UBE2E2: variants seen among roughly 807,000 people sequenced by gnomAD.
UBE2E2 encodes the protein ubiquitin-conjugating enzyme E2 E2.
Under a neutral mutation model 24.7 loss-of-function variants are expected in UBE2E2, and 6 were observed. The observed-to-expected ratio is 0.24, with a 90% CI of 0.13 to 0.48. UBE2E2 has a LOEUF of 0.48. Ranked by LOEUF, UBE2E2 falls within the 20% of genes least tolerant of loss-of-function variation. UBE2E2 has a pLI of 0.99. For missense variants in UBE2E2, 169 were observed against 245.0 expected, an observed-to-expected ratio of 0.69 and a Z score of 2.07; for synonymous variants, 104 against 83.6, an observed-to-expected ratio of 1.24 and a Z score of -1.33.
At chr3:23,530,137 G>A (rs138682240) in intron 4 of UBE2E2, among the ~76,000 whole-genome samples, 4 of 152,252 alleles carry the variant, frequency 2.6e-5, no homozygotes, top group Admixed American at 2.6e-4. Context: ...TCTTAATAAT[G>A]TCAATTCTTT....
At chr3:23,272,101 C>G (rs547843568) in intron 3 of UBE2E2, among the ~76,000 whole-genome samples, 3 of 152,132 alleles carry the variant, frequency 2.0e-5, no homozygotes, top group Non-Finnish European at 2.9e-5. Context: ...TGGGGAGGCT[C>G]GGTCCATGCT....
chr3:23,230,792 G>GAA (rs750142399), intron 3 of UBE2E2, among the ~76,000 whole-genome samples: 3 of 68,634 alleles, frequency 4.4e-5, no homozygotes, highest in Non-Finnish European at 6.3e-5. Context: ...TTCTCAAAAA[G>GAA]AAAAAAAAAA....
intron 3 of UBE2E2, among the ~76,000 whole-genome samples, chr3:23,449,533 C>A (rs1445322552): frequency 6.6e-6 from 1 of 152,222 alleles, no homozygotes; most frequent in East Asian, 1.9e-4. Context: ...TCACCACTGT[C>A]TGTTACTGAT....
At chr3:23,360,863 G>T (rs2125331059) in intron 3 of UBE2E2, among the ~76,000 whole-genome samples, 1 of 150,636 alleles carries the variant, frequency 6.6e-6, no homozygotes, top group East Asian at 2.0e-4. Flanking sequence ...AAAAGCTTCT[G>T]CACACCAAAA....
chr3:23,292,662 A>G (rs1283728406), intron 3 of UBE2E2, among the ~76,000 whole-genome samples: 1 of 152,208 alleles, frequency 6.6e-6, no homozygotes, highest in Non-Finnish European at 1.5e-5. Flanking sequence ...AGAGTAGCCT[A>G]GTGGTGAAGA....
chr3:23,292,537 C>T (rs1470549352), intron 3 of UBE2E2, among the ~76,000 whole-genome samples: 7 of 152,076 alleles, frequency 4.6e-5, no homozygotes, highest in African/African-American at 1.7e-4. Context: ...TCTCAGAGCC[C>T]CACTCACTTG....
intron 3 of UBE2E2, among the ~76,000 whole-genome samples, chr3:23,449,165 T>C: frequency 6.6e-6 from 1 of 152,180 alleles, no homozygotes. Flanking sequence ...TCACTTTCCA[T>C]TGAACTGTGT....
At chr3:23,580,410 G>C (rs925199373) in intron 5 of UBE2E2, among the ~76,000 whole-genome samples, 17 of 152,196 alleles carry the variant, frequency 1.1e-4, no homozygotes, top group Admixed American at 3.9e-4. Context: ...ACAGTAAAAA[G>C]ATTACGACTT....
chr3:23,212,290 G>C (rs990860929), intron 2 of UBE2E2, among the ~76,000 whole-genome samples: 2 of 152,132 alleles, frequency 1.3e-5, no homozygotes, highest in Non-Finnish European at 2.9e-5. Flanking sequence ...TTTGGCAAGA[G>C]TTTCTTAAAA....
At chr3:23,243,085 CAAA>C (rs559311463) in intron 3 of UBE2E2, among the ~76,000 whole-genome samples, 1 of 118,416 alleles carries the variant, frequency 8.4e-6, no homozygotes, top group African/African-American at 3.2e-5. Flanking sequence ...GACGCTGTTT[CAAA>C]AAAAAAAAAG....
intron 4 of UBE2E2, among the ~76,000 whole-genome samples, chr3:23,501,911 G>GA (rs906164817): frequency 5.5e-5 from 8 of 145,756 alleles, no homozygotes; most frequent in African/African-American, 1.5e-4. Flanking sequence ...TCTCTAAGGA[G>GA]AAAAAAAAAA....
At chr3:23,435,454 G>T (rs1698157923) in intron 3 of UBE2E2, among the ~76,000 whole-genome samples, 1 of 152,238 alleles carries the variant, frequency 6.6e-6, no homozygotes, top group African/African-American at 2.4e-5. Context: ...CCTTTGACAA[G>T]GGAAGGATTC....
chr3:23,240,966 G>A (rs960134960), intron 3 of UBE2E2, among the ~76,000 whole-genome samples: 14 of 151,866 alleles, frequency 9.2e-5, no homozygotes, highest in Non-Finnish European at 1.6e-4. Flanking sequence ...TTTTTCTTAG[G>A]CTGTCTGTAA....
At chr3:23,439,340 A>G (rs1698247444) in intron 3 of UBE2E2, among the ~76,000 whole-genome samples, 1 of 152,232 alleles carries the variant, frequency 6.6e-6, no homozygotes, top group Admixed American at 6.5e-5. Flanking sequence ...TCCAAGGACT[A>G]AAGGAATAAA....
chr3:23,539,435 T>C (rs1483870460), intron 5 of UBE2E2, among the ~76,000 whole-genome samples: 1 of 152,246 alleles, frequency 6.6e-6, no homozygotes, highest in African/African-American at 2.4e-5. Context: ...TAAAAAGTGC[T>C]TTTAAAGTTT....
At chr3:23,521,163 A>T (rs960616892) in intron 4 of UBE2E2, among the ~76,000 whole-genome samples, 1 of 152,164 alleles carries the variant, frequency 6.6e-6, no homozygotes, top group Non-Finnish European at 1.5e-5. Context: ...AATCCTGTAC[A>T]TTATTTTCAT....
chr3:23,274,534 G>C (rs1341163256), intron 3 of UBE2E2, among the ~76,000 whole-genome samples: 23 of 150,142 alleles, frequency 1.5e-4, no homozygotes, highest in African/African-American at 5.6e-4. Flanking sequence ...TTTTTTTTTT[G>C]TATTTTTTAT....
At chr3:23,236,297 G>T (rs2125335077) in intron 3 of UBE2E2, among the ~76,000 whole-genome samples, 1 of 152,206 alleles carries the variant, frequency 6.6e-6, no homozygotes, top group Non-Finnish European at 1.5e-5. Context: ...ACTATTTAGT[G>T]GCATTGAGAT....
chr3:23,505,327 A>T (rs1014052299), intron 4 of UBE2E2, among the ~76,000 whole-genome samples: 10 of 152,122 alleles, frequency 6.6e-5, no homozygotes, highest in African/African-American at 2.4e-4. Flanking sequence ...CGCATTTTTA[A>T]TTTAGCTTTT....
Sources: gnomAD v4.1 joint callset for allele counts (sites outside exome capture counted in the v4.1 genomes callset) on GRCh38, gnomAD v4.1.1 for gene constraint, MANE v1.5 for transcripts, NCBI Gene and HGNC (gene_info 2026-07-23, HGNC 2026-07-21) for gene names.